The following POLR2F variants were observed in gnomAD, a reference collection of about 807,000 sequenced individuals.
The protein encoded by POLR2F is DNA-directed RNA polymerases I, II, and III subunit RPABC2.
Under a neutral mutation model 22.7 loss-of-function variants are expected in POLR2F, and 12 were observed. The ratio of observed to expected loss-of-function variants is 0.53; its 90% CI spans 0.34 to 0.86. The LOEUF is 0.86. Among genes scored for constraint, POLR2F ranks in the 40% least tolerant of loss-of-function variants. The probability of loss-of-function intolerance (pLI) is 0.02; values close to 1 mark genes in which losing one functional copy is unlikely to be tolerated. For missense variants in POLR2F, 126 were observed against 171.5 expected, an observed-to-expected ratio of 0.73 and a Z score of 1.48; for synonymous variants, 57 against 66.0, an observed-to-expected ratio of 0.86 and a Z score of 0.66.
chr22:38,038,639 G>A (rs1316399141), intron 5 of POLR2F, among the ~76,000 whole-genome samples: 1 of 152,064 alleles, frequency 6.6e-6, no homozygotes, highest in East Asian at 1.9e-4. Flanking sequence ...AAGTGAGGCA[G>A]AGAATGGTTC....
At position 37,953,700 on chromosome 22, in the gene POLR2F, A is replaced by C. The variant is rs1402473394; in HGVS notation, c.-88A>C. ...TGGGTTACGGCGCAGGCGCAAGATA[A>C]GCTAGGAGCCGCGCGAGTCGTAGTG... On this transcript the variant is annotated 5_prime_UTR_variant, in exon 1 of 5. Coordinates refer to ENST00000442738, the MANE Select transcript of POLR2F (RefSeq NM_021974.5). The C allele has an allele frequency of 6.7e-7, 1 of 1,503,130 alleles. No homozygotes were observed. Among genetic ancestry groups the C allele is most frequent in the African/African-American group, 1.4e-5 (1 of 73,466 alleles). 93.1% of individuals were successfully genotyped at this position (1,503,130 alleles called of 1,614,324 possible). A position where few individuals can be genotyped will look rare whatever the true frequency, so the allele number is the denominator to read the frequency against.
chr22:37,979,358 A>G (rs968877476), intron 4 of POLR2F, among the ~76,000 whole-genome samples: 2 of 152,120 alleles, frequency 1.3e-5, no homozygotes, highest in African/African-American at 4.8e-5. Context: ...TTGGCCTCCC[A>G]AAGTGCTGAG....
chr22:37,979,368 G>C (rs1468502064), intron 4 of POLR2F, among the ~76,000 whole-genome samples: 1 of 152,202 alleles, frequency 6.6e-6, no homozygotes, highest in Non-Finnish European at 1.5e-5. Flanking sequence ...AAAGTGCTGA[G>C]ATTATAGGCA....
At chr22:37,992,754 A>G (rs530198218) in intron 1 of POLR2F, among the ~76,000 whole-genome samples, 1 of 152,318 alleles carries the variant, frequency 6.6e-6, no homozygotes, top group East Asian at 1.9e-4. Context: ...TGCTGTCATC[A>G]GATGTTCCCC....
chr22:37,983,624 A>G, upstream of POLR2F: 2 of 1,604,846 alleles, frequency 1.2e-6, no homozygotes, highest in Non-Finnish European at 1.7e-6. This position sits in a 1 kb window ranked among gnomAD's most constrained non-coding sequence, Gnocchi z 9.5. Flanking sequence ...CTCCTTCTTG[A>G]CCTTGCCCAG....
chr22:37,954,802 A>T (rs972134377), intron 1 of POLR2F, among the ~76,000 whole-genome samples: 7 of 152,226 alleles, frequency 4.6e-5, no homozygotes, highest in African/African-American at 1.7e-4. Context: ...CCCCATTCCC[A>T]GTGAGTGTCA....
At chr22:37,967,433 AT>A in intron 4 of POLR2F, 191 bp from the exon 5 acceptor site, 2 of 1,434,068 alleles carry the variant, frequency 1.4e-6, no homozygotes, top group Non-Finnish European at 1.8e-6. Flanking sequence ...ATATTCTGTC[AT>A]TCTTCCCCCT....
intron 1 of POLR2F, among the ~76,000 whole-genome samples, chr22:38,024,222 A>T (rs1340872799): frequency 6.6e-6 from 1 of 152,024 alleles, no homozygotes; most frequent in Non-Finnish European, 1.5e-5. Context: ...TTTCTAGTTT[A>T]TTTCACTTAG....
At chr22:38,037,439 A>ATT (rs10624395) in intron 5 of POLR2F, among the ~76,000 whole-genome samples, 70,031 of 123,928 alleles carry the variant, frequency 0.57, 20,604 homozygotes, top group East Asian at 0.73. Flanking sequence ...ATGCTCGGCT[A>ATT]TTTTTTTTTT....
chr22:38,024,903 G>A (rs368323866), intron 1 of POLR2F, among the ~76,000 whole-genome samples: 3 of 152,148 alleles, frequency 2.0e-5, no homozygotes, highest in African/African-American at 7.2e-5. Context: ...GGAAGTCATG[G>A]AGATTCTTAG....
upstream of POLR2F, among the ~76,000 whole-genome samples, chr22:37,982,466 G>A (rs758301533): frequency 1.3e-5 from 2 of 152,220 alleles, no homozygotes; most frequent in Non-Finnish European, 2.9e-5. Flanking sequence ...TGAGTCGAGG[G>A]TGGGATAATT....
chr22:37,956,345 G>A (rs1014658271), intron 1 of POLR2F, among the ~76,000 whole-genome samples: 14 of 152,010 alleles, frequency 9.2e-5, no homozygotes, highest in Non-Finnish European at 2.9e-5. Flanking sequence ...CAAAGTGCTG[G>A]GATTACAGGC....
intron 1 of POLR2F, among the ~76,000 whole-genome samples, chr22:38,004,209 G>A (rs745347713): frequency 1.2e-4 from 18 of 151,974 alleles, no homozygotes; most frequent in Non-Finnish European, 2.4e-4. Flanking sequence ...GCTCAGGCTG[G>A]TCTAGAACTC....
At chr22:37,972,139 GA>G, downstream of POLR2F, 1 of 401,234 alleles carries the variant, frequency 2.5e-6, no homozygotes. Context: ...GGGAGAGAGA[GA>G]GGAGGGGGGA....
chr22:37,970,375 A>T (rs1216153354), downstream of POLR2F, among the ~76,000 whole-genome samples: 2 of 150,374 alleles, frequency 1.3e-5, no homozygotes, highest in Non-Finnish European at 3.0e-5. Flanking sequence ...GGCCGAGGCA[A>T]GCGGATCATG....
At chr22:37,967,443 CT>C in intron 4 of POLR2F, 181 bp from the exon 5 acceptor site, 1 of 1,435,778 alleles carries the variant, frequency 7.0e-7, no homozygotes, top group Non-Finnish European at 9.1e-7. Flanking sequence ...ATTCTTCCCC[CT>C]CTTGTCTGAT....
intron 1 of POLR2F, chr22:37,987,058 C>T: frequency 2.2e-6 from 1 of 456,750 alleles, no homozygotes; most frequent in Non-Finnish European, 4.4e-6. Flanking sequence ...CCTCCTTACC[C>T]CACCCCCCAT....
chr22:37,966,257 G>A (rs1931847660), intron 3 of POLR2F, among the ~76,000 whole-genome samples: 1 of 152,158 alleles, frequency 6.6e-6, no homozygotes, highest in Non-Finnish European at 1.5e-5. Context: ...TAGGGAACCA[G>A]AAATAGTTTG....
intron 2 of POLR2F, among the ~76,000 whole-genome samples, chr22:37,957,948 G>T (rs905359845): frequency 6.6e-6 from 1 of 152,160 alleles, no homozygotes; most frequent in African/African-American, 2.4e-5. Context: ...TCGCAACAGA[G>T]TATCCAGAGT....
Sources: gnomAD v4.1 joint callset for allele counts (sites outside exome capture counted in the v4.1 genomes callset) on GRCh38, gnomAD v4.1.1 for gene constraint, Gnocchi (gnomAD v3.1) non-coding constraint, MANE v1.5 for transcripts, NCBI Gene and HGNC (gene_info 2026-07-23, HGNC 2026-07-21) for gene names.